CGNL1: variants seen among roughly 807,000 people sequenced by gnomAD.
CGNL1 encodes the protein cingulin-like protein 1.
In CGNL1, 132 loss-of-function variants were observed where a neutral mutation model predicts 141.2. The observed-to-expected ratio is 0.93, with a 90% CI of 0.81 to 1.08. The LOEUF is 1.08. Ranked by LOEUF, CGNL1 falls within the 50% of genes least tolerant of loss-of-function variation. The pLI, the probability that CGNL1 is intolerant of heterozygous loss-of-function variation, is 0.00. For synonymous variants in CGNL1, 690 were observed against 622.1 expected (o/e 1.11, Z -1.63); for missense variants, 1,870 against 1,588.6 (o/e 1.18, Z -3.01).
chr15:57,400,801 T>G (rs1279398297), intron 1 of CGNL1, among the ~76,000 whole-genome samples: 1 of 147,596 alleles, frequency 6.8e-6, no homozygotes, highest in African/African-American at 2.5e-5. Context: ...GAGAATCGCC[T>G]GAACCTAGGA....
intron 1 of CGNL1, among the ~76,000 whole-genome samples, chr15:57,378,496 C>G (rs1242566219): frequency 1.3e-5 from 2 of 150,448 alleles, no homozygotes; most frequent in Non-Finnish European, 3.0e-5. Flanking sequence ...ATTCTCCTGC[C>G]TCAGCCTCCC....
chr15:57,407,172 A>G (rs1318180580), intron 1 of CGNL1: 1 of 152,208 alleles, frequency 6.6e-6, no homozygotes, highest in Non-Finnish European at 1.5e-5. Context: ...GGTCAGAGCT[A>G]AGTTTCAGCG....
chr15:57,501,105 G>A (rs2064017987), intron 8 of CGNL1, among the ~76,000 whole-genome samples: 1 of 152,138 alleles, frequency 6.6e-6, no homozygotes, highest in Non-Finnish European at 1.5e-5. Flanking sequence ...CAGTAACCTT[G>A]GATCGTGATT....
rs754539162 is a variant in CGNL1, at chr15:57,438,125, C to T, written c.126C>T (p.Val42=). Residue 42 remains valine, a synonymous_variant, in exon 2 of 19, where the codon GTC becomes GTT. Transcript: ENST00000281282. ...SQNSKAGSYG[V]SIRVQGIDGH... ...ACTCCAAGGCAGGCTCCTACGGTGT[C>T]AGTATTCGGGTCCAGGGAATTGATG... 6.2e-6 allele frequency: 10 copies of T among 1,614,060 alleles called. No homozygotes were observed. Among genetic ancestry groups the T allele is most frequent in the Middle Eastern group, 1.6e-4 (1 of 6,084 alleles).
intron 12 of CGNL1, among the ~76,000 whole-genome samples, chr15:57,528,072 C>G (rs554834690): frequency 1.3e-5 from 2 of 152,272 alleles, no homozygotes; most frequent in Admixed American, 1.3e-4. Flanking sequence ...GCCTGGCCAC[C>G]ATGGTGAAGC....
At chr15:57,494,908 G>C (rs550957680) in intron 8 of CGNL1, among the ~76,000 whole-genome samples, 1 of 152,324 alleles carries the variant, frequency 6.6e-6, no homozygotes, top group East Asian at 1.9e-4. Flanking sequence ...AAAGCCAGAA[G>C]GTAGCTCCTC....
Position 57,524,528 on chromosome 15 carries a change from C to A in CGNL1, c.2869-53C>A, listed in dbSNP as rs923104387. 5.9e-6 allele frequency: 9 copies of A among 1,528,402 alleles called. No individual in the cohort carries two copies. The Admixed American group carries it at 1.7e-4, about 29-fold the overall frequency. The allele number at this position is 1,528,402 out of a possible 1,614,324, so 94.7% of individuals were successfully genotyped here. On this transcript the variant is annotated intron_variant, in intron 11 of 18. Transcript: ENST00000281282. ...GCTGTGTGTTGAAATGGGACCCAGACCCTGGTCTCAGAGCATCCCAGGGTG... is the reference window on the plus strand; with the variant it reads ...GCTGTGTGTTGAAATGGGACCCAGAACCTGGTCTCAGAGCATCCCAGGGTG...
chr15:57,400,852 C>T (rs1163629756), intron 1 of CGNL1, among the ~76,000 whole-genome samples: 1 of 144,106 alleles, frequency 6.9e-6, no homozygotes, highest in African/African-American at 2.6e-5. Flanking sequence ...CGTTGCACTC[C>T]AGCCTAGGCG....
At chr15:57,455,920 A>T (rs1216244937) in intron 7 of CGNL1, among the ~76,000 whole-genome samples, 2 of 152,192 alleles carry the variant, frequency 1.3e-5, no homozygotes, top group East Asian at 3.8e-4. Flanking sequence ...TTGCTGGCTT[A>T]CAGGTAGTTT....
chr15:57,413,151 C>A (rs1167507048), intron 1 of CGNL1, among the ~76,000 whole-genome samples: 2 of 152,070 alleles, frequency 1.3e-5, no homozygotes, highest in Non-Finnish European at 2.9e-5. Flanking sequence ...AGCCACCACA[C>A]CCGGCCTTCT....
Position 57,550,705 on chromosome 15 carries a change from C to T in CGNL1, c.*3215C>T, listed in dbSNP as rs551672807. 2.0e-5 allele frequency: 3 copies of T among 152,766 alleles called. No homozygotes were observed. Among genetic ancestry groups the T allele is most frequent in the Admixed American group, 6.5e-5 (1 of 15,304 alleles). 9.5% of individuals were successfully genotyped at this position (152,766 alleles called of 1,614,324 possible). The stretch of plus-strand genomic sequence containing the variant: ...AAGATTTCCTTTCAATAAACGCTGT[C>T]ACCCAATGGGAATTTTGACTCTCCT... On this transcript the variant is annotated 3_prime_UTR_variant, in exon 19 of 19. Coordinates refer to ENST00000281282, the MANE Select transcript of CGNL1 (RefSeq NM_032866.5).
chr15:57,502,211 G>A (rs2064034938), intron 8 of CGNL1, among the ~76,000 whole-genome samples: 1 of 152,144 alleles, frequency 6.6e-6, no homozygotes, highest in South Asian at 2.1e-4. Context: ...TAAGTTTTTG[G>A]AAGGCTCTCG....
chr15:57,516,178 AAAAG>A (rs1567164377), intron 8 of CGNL1, among the ~76,000 whole-genome samples: 4 of 148,576 alleles, frequency 2.7e-5, no homozygotes, highest in African/African-American at 7.5e-5. Flanking sequence ...AAAAAAAAAA[AAAAG>A]AAAGAAAAAG....
chr15:57,381,093 T>C (rs1324531892), intron 1 of CGNL1, among the ~76,000 whole-genome samples: 3 of 152,198 alleles, frequency 2.0e-5, no homozygotes, highest in African/African-American at 7.2e-5. Flanking sequence ...AATAACCTCA[T>C]GGTTATAATA....
chr15:57,437,140 T>C (rs2063115254), intron 1 of CGNL1, among the ~76,000 whole-genome samples: 1 of 152,144 alleles, frequency 6.6e-6, no homozygotes, highest in East Asian at 1.9e-4. Context: ...CTTGGTGAGC[T>C]CTCTGCAGTC....
intron 4 of CGNL1, among the ~76,000 whole-genome samples, chr15:57,450,907 G>A (rs138243360): frequency 7.0e-4 from 107 of 152,242 alleles, no homozygotes; most frequent in African/African-American, 2.5e-3. Flanking sequence ...TAGATACAGA[G>A]GTGCATAAAA....
In CGNL1 at chr15:57,462,265, C is replaced by T. The variant is rs150096626; in HGVS notation, c.2403+373C>T. ...CCAAGTTAATGGGCAGAAGTGCAGACGGGACCCAGATTCCTGGAATCCTTC... is the reference window on the plus strand; with the variant it reads ...CCAAGTTAATGGGCAGAAGTGCAGATGGGACCCAGATTCCTGGAATCCTTC... On this transcript the variant is annotated intron_variant, in intron 8 of 18. Coordinates refer to ENST00000281282, the MANE Select transcript of CGNL1 (RefSeq NM_032866.5). Among the ~76,000 whole-genome samples the T allele has an allele frequency of 2.0e-3, 302 of 152,274 alleles. 2 individuals carry two copies. Among genetic ancestry groups the T allele is most frequent in the African/African-American group, 7.0e-3 (292 of 41,560 alleles).
chr15:57,397,928 G>T (rs747894376), intron 1 of CGNL1, among the ~76,000 whole-genome samples: 6 of 151,922 alleles, frequency 3.9e-5, no homozygotes, highest in Non-Finnish European at 7.4e-5. Flanking sequence ...GATTATAGGT[G>T]CGTGCCACCA....
At chr15:57,545,802 T>G (rs2032830995) in intron 17 of CGNL1, 102 bp downstream of exon 17, 1 of 963,078 alleles carries the variant, frequency 1.0e-6, no homozygotes, top group Non-Finnish European at 1.6e-6. Flanking sequence ...GGAGTGTGAG[T>G]GGGCTGATTC....
Sources: gnomAD v4.1 joint callset for allele counts (sites outside exome capture counted in the v4.1 genomes callset) on GRCh38, gnomAD v4.1.1 for gene constraint, MANE v1.5 for transcripts, NCBI Gene and HGNC (gene_info 2026-07-23, HGNC 2026-07-21) for gene names.